The following SCHIP1 variants were observed in gnomAD, a reference collection of about 807,000 sequenced individuals.
The protein encoded by SCHIP1 is schwannomin-interacting protein 1.
In SCHIP1, 8 loss-of-function variants were observed where a neutral mutation model predicts 29.7. The ratio of observed to expected loss-of-function variants is 0.27; its 90% confidence interval spans 0.16 to 0.49. SCHIP1 has a LOEUF of 0.49. SCHIP1 is among the 20% of genes least tolerant of loss of function. The pLI is 0.99. For synonymous variants in SCHIP1, 76 were observed against 94.9 expected (o/e 0.80, Z 1.16); for missense variants, 193 against 294.6 (o/e 0.66, Z 2.52).
the SCHIP1 span, among the ~76,000 whole-genome samples, chr3:159,774,410 T>TTA: frequency 1.3e-5 from 2 of 152,210 alleles, no homozygotes; most frequent in African/African-American, 2.4e-5. Flanking sequence ...TTGTTGCCCT[T>TTA]TATATATATC....
chr3:159,359,542 T>A, the SCHIP1 span, among the ~76,000 whole-genome samples: 1 of 152,194 alleles, frequency 6.6e-6, no homozygotes, highest in East Asian at 1.9e-4. Flanking sequence ...AATTATAAGA[T>A]ACATGTTAAA....
At chr3:159,665,645 G>T in the SCHIP1 span, among the ~76,000 whole-genome samples, 2 of 151,916 alleles carry the variant, frequency 1.3e-5, no homozygotes, top group Admixed American at 1.3e-4. Flanking sequence ...AGATAGGGGA[G>T]CCCAGTAGGC....
chr3:159,406,226 A>C, the SCHIP1 span, among the ~76,000 whole-genome samples: 1 of 152,158 alleles, frequency 6.6e-6, no homozygotes, highest in African/African-American at 2.4e-5. Flanking sequence ...AAGCAGCAAG[A>C]GAAAAGAAAC....
chr3:159,437,292 C>T, the SCHIP1 span, among the ~76,000 whole-genome samples: 1 of 152,084 alleles, frequency 6.6e-6, no homozygotes, highest in East Asian at 1.9e-4. Context: ...TCTACCTTAG[C>T]CAAAGTTGGC....
chr3:159,468,038 G>C, the SCHIP1 span, among the ~76,000 whole-genome samples: 1 of 152,090 alleles, frequency 6.6e-6, no homozygotes, highest in Admixed American at 6.6e-5. Context: ...GCGGCTTCTT[G>C]ATTTCTTGAC....
chr3:159,584,188 C>T, the SCHIP1 span, among the ~76,000 whole-genome samples: 1 of 152,082 alleles, frequency 6.6e-6, no homozygotes, highest in East Asian at 1.9e-4. Context: ...TCAAAAAACC[C>T]TTTTGTTATT....
chr3:159,612,726 G>A, the SCHIP1 span, among the ~76,000 whole-genome samples: 1 of 152,228 alleles, frequency 6.6e-6, no homozygotes, highest in African/African-American at 2.4e-5. Flanking sequence ...CAGCCTGGGT[G>A]ACAAGAGCGA....
At chr3:159,446,657 AAGG>A in the SCHIP1 span, among the ~76,000 whole-genome samples, 1 of 152,244 alleles carries the variant, frequency 6.6e-6, no homozygotes, top group African/African-American at 2.4e-5. Context: ...GCAGGGCAAC[AAGG>A]AGATCTCAAA....
chr3:159,509,345 T>G, the SCHIP1 span, among the ~76,000 whole-genome samples: 5 of 152,234 alleles, frequency 3.3e-5, no homozygotes, highest in East Asian at 9.6e-4. Context: ...ATCCTTTATT[T>G]TGAGACTATG....
At chr3:159,682,743 C>G in the SCHIP1 span, among the ~76,000 whole-genome samples, 960 of 152,222 alleles carry the variant, frequency 6.3e-3, 10 homozygotes, top group Admixed American at 0.024. Flanking sequence ...CTACCGACAC[C>G]TAGAAATAAT....
the SCHIP1 span, among the ~76,000 whole-genome samples, chr3:159,308,071 G>T: frequency 3.3e-5 from 5 of 151,206 alleles, no homozygotes; most frequent in East Asian, 9.7e-4. Context: ...TCTTTTTTTT[G>T]GTCTCATATG....
the SCHIP1 span, among the ~76,000 whole-genome samples, chr3:159,394,223 A>G: frequency 2.0e-5 from 3 of 150,652 alleles, no homozygotes; most frequent in African/African-American, 4.9e-5. Context: ...GGCTGAGACA[A>G]TGGGGTTTTC....
chr3:159,715,003 T>C, the SCHIP1 span, among the ~76,000 whole-genome samples: 1 of 152,190 alleles, frequency 6.6e-6, no homozygotes, highest in South Asian at 2.1e-4. Flanking sequence ...CAGTAGGGGA[T>C]GACTGACACC....
chr3:159,589,343 A>G, the SCHIP1 span, among the ~76,000 whole-genome samples: 1 of 152,188 alleles, frequency 6.6e-6, no homozygotes, highest in African/African-American at 2.4e-5. Flanking sequence ...GTTGCTTATC[A>G]GCTTAAGGAG....
the SCHIP1 span, chr3:159,375,729 AAAATAAATAAATAAAT>A: frequency 6.4e-6 from 5 of 782,200 alleles, no homozygotes; most frequent in African/African-American, 3.9e-5. Context: ...ACTCCGTCTC[AAAATAAATAAATAAAT>A]AAATAAATAA....
chr3:159,887,776 G>A, exon 4 of SCHIP1: 1 of 1,614,056 alleles, frequency 6.2e-7, no homozygotes, highest in Non-Finnish European at 8.5e-7. Context: ...TGGATGACAT[G>A]GACTTCCTTA....
the SCHIP1 span, among the ~76,000 whole-genome samples, chr3:159,665,201 A>T: frequency 1.9e-4 from 29 of 152,242 alleles, no homozygotes; most frequent in African/African-American, 7.0e-4. Context: ...CTAAAGTTTC[A>T]TAATCTGTAA....
chr3:159,835,079 A>G (rs1258813313), upstream of SCHIP1, among the ~76,000 whole-genome samples: 5 of 152,154 alleles, frequency 3.3e-5, no homozygotes, highest in East Asian at 3.8e-4. Context: ...AACTTAAGCT[A>G]TATGTCTACT....
the SCHIP1 span, among the ~76,000 whole-genome samples, chr3:159,658,385 A>G: frequency 6.6e-6 from 1 of 152,152 alleles, no homozygotes; most frequent in Non-Finnish European, 1.5e-5. Context: ...AAACCCCTGA[A>G]TTTGCAAGTC....
Sources: allele counts gnomAD v4.1 joint callset (sites outside exome capture counted in the v4.1 genomes callset), GRCh38; gene constraint gnomAD v4.1.1; transcripts MANE v1.5; gene names NCBI Gene and HGNC (gene_info 2026-07-23, HGNC 2026-07-21).